The following STAG1 variants were observed in gnomAD, a reference collection of about 807,000 sequenced individuals.
STAG1 encodes STAG1 cohesin complex component, also known as cohesin subunit SA-1.
In STAG1, 26 loss-of-function variants were observed where a neutral mutation model predicts 170.9. The ratio of observed to expected loss-of-function variants is 0.15; its 90% confidence interval spans 0.11 to 0.21. STAG1 has a LOEUF of 0.21. STAG1 is among the 10% of genes least tolerant of loss of function. The pLI, the probability that STAG1 is intolerant of heterozygous loss-of-function variation, is 1.00. For missense variants in STAG1, 964 were observed against 1,509.5 expected (o/e 0.64, Z 5.99); for synonymous variants, 514 against 497.7 (o/e 1.03, Z -0.44).
At chr3:136,465,519 C>T (rs1274566459) in intron 12 of STAG1, among the ~76,000 whole-genome samples, 1 of 130,380 alleles carries the variant, frequency 7.7e-6, no homozygotes, top group East Asian at 2.6e-4. Context: ...CTGTGCCTGG[C>T]CGCCTTCTAG....
At chr3:136,370,686 G>T (rs1399364666) in intron 23 of STAG1, among the ~76,000 whole-genome samples, 4 of 152,186 alleles carry the variant, frequency 2.6e-5, no homozygotes, top group Non-Finnish European at 4.4e-5. Flanking sequence ...CAAAGGACAT[G>T]AACTCATCAT....
At chr3:136,425,090 G>A (rs999758127) in intron 16 of STAG1, among the ~76,000 whole-genome samples, 1 of 152,030 alleles carries the variant, frequency 6.6e-6, no homozygotes, top group Non-Finnish European at 1.5e-5. Flanking sequence ...TGCCCGCCCC[G>A]GCCTCCCAAA....
At chr3:136,441,618 T>C (rs2088634020) in intron 15 of STAG1, among the ~76,000 whole-genome samples, 1 of 152,186 alleles carries the variant, frequency 6.6e-6, no homozygotes, top group Admixed American at 6.6e-5. Flanking sequence ...TTAGTATCAC[T>C]GCTTGGAAGG....
intron 1 of STAG1, among the ~76,000 whole-genome samples, chr3:136,702,075 A>AAGAGAGAGAGAG (rs745623191): frequency 9.9e-4 from 91 of 92,184 alleles, no homozygotes; most frequent in East Asian, 1.6e-3. Flanking sequence ...ACCATGCCGA[A>AAGAGAGAGAGAG]AGAGAGAGAG....
chr3:136,516,807 T>C (rs1480374550), intron 7 of STAG1, among the ~76,000 whole-genome samples: 2 of 152,164 alleles, frequency 1.3e-5, no homozygotes, highest in Non-Finnish European at 2.9e-5. Flanking sequence ...CTTTCCCACT[T>C]TGCAAATAAA....
chr3:136,532,573 T>C (rs1467313149), intron 6 of STAG1, among the ~76,000 whole-genome samples: 3 of 152,138 alleles, frequency 2.0e-5, no homozygotes, highest in Non-Finnish European at 4.4e-5. Flanking sequence ...TACACCATGA[T>C]CAAGCAAAAT....
chr3:136,536,195 AG>A (rs1325680608), intron 6 of STAG1, among the ~76,000 whole-genome samples: 2 of 152,166 alleles, frequency 1.3e-5, no homozygotes, highest in Middle Eastern at 3.2e-3. Flanking sequence ...AATGTAATGG[AG>A]AGGTCTGACT....
chr3:136,446,134 C>T (rs1020934838), intron 14 of STAG1, among the ~76,000 whole-genome samples: 1 of 151,934 alleles, frequency 6.6e-6, no homozygotes. Context: ...CTATTTTTCA[C>T]TTCTCTTCAT....
At chr3:136,603,440 G>A (rs772475413) in intron 4 of STAG1, among the ~76,000 whole-genome samples, 4 of 151,978 alleles carry the variant, frequency 2.6e-5, no homozygotes, top group South Asian at 2.1e-4. Flanking sequence ...ATGTAGAGAC[G>A]AACATAAATA....
intron 16 of STAG1, 42 bp downstream of exon 16, chr3:136,433,514 C>T (rs773453670): frequency 4.9e-6 from 7 of 1,419,282 alleles, no homozygotes; most frequent in Non-Finnish European, 6.8e-6. Flanking sequence ...AGTTAATTGC[C>T]ATTAAAAACC....
At chr3:136,710,740 G>A (rs1943360383) in intron 1 of STAG1, among the ~76,000 whole-genome samples, 1 of 151,418 alleles carries the variant, frequency 6.6e-6, no homozygotes, top group Non-Finnish European at 1.5e-5. Flanking sequence ...CTACTTTCAT[G>A]AATAGATTAA....
rs73863614 is a variant in STAG1, at chr3:136,351,015, A to T, written c.3066-1652T>A. On this transcript the variant is annotated intron_variant, in intron 28 of 33. Coordinates refer to ENST00000383202, the MANE Select transcript of STAG1 (RefSeq NM_005862.3). ...CTGACTGTTGTCATCATCTTACAAC[A>T]TATATGTATATCAAGACATCATATA... is the stretch of plus-strand genomic sequence containing the variant. Among the ~76,000 whole-genome samples the T allele has an allele frequency of 4.9e-3, 746 of 152,318 alleles. 8 individuals are homozygous for T. Among genetic ancestry groups the T allele is most frequent in the African/African-American group, 0.017 (726 of 41,560 alleles).
chr3:136,704,405 T>G (rs925918109), intron 1 of STAG1, among the ~76,000 whole-genome samples: 6 of 152,180 alleles, frequency 3.9e-5, no homozygotes, highest in Non-Finnish European at 5.9e-5. Context: ...CACTTTAGCC[T>G]CAAAGACACA....
At chr3:136,407,179 A>C (rs1323836330) in intron 21 of STAG1, among the ~76,000 whole-genome samples, 1 of 152,134 alleles carries the variant, frequency 6.6e-6, no homozygotes, top group Non-Finnish European at 1.5e-5. Flanking sequence ...GGCATGTGCC[A>C]CCATGCCTGG....
At chr3:136,508,652 A>G (rs1933890123) in intron 7 of STAG1, among the ~76,000 whole-genome samples, 1 of 152,244 alleles carries the variant, frequency 6.6e-6, no homozygotes, top group African/African-American at 2.4e-5. Context: ...GTGCCACTGC[A>G]CTTCAGCCTG....
intron 22 of STAG1, among the ~76,000 whole-genome samples, chr3:136,396,216 T>TG (rs1321533842): frequency 7.0e-6 from 1 of 143,490 alleles, no homozygotes; most frequent in Admixed American, 7.0e-5. Context: ...ACAGTTTTTT[T>TG]TTTTTTTTTT....
chr3:136,369,022 T>A, intron 24 of STAG1, 86 bp downstream of exon 24: 3 of 1,260,580 alleles, frequency 2.4e-6, no homozygotes, highest in Non-Finnish European at 3.1e-6. Flanking sequence ...TCTCGATAAT[T>A]TTTAGAACTG....
intron 1 of STAG1, among the ~76,000 whole-genome samples, chr3:136,665,881 C>A (rs932293326): frequency 6.6e-6 from 1 of 151,296 alleles, no homozygotes; most frequent in African/African-American, 2.4e-5. Context: ...CGAGACCATC[C>A]TGGCTAACAC....
At chr3:136,430,988 C>G (rs2088286668) in intron 16 of STAG1, among the ~76,000 whole-genome samples, 1 of 151,984 alleles carries the variant, frequency 6.6e-6, no homozygotes, top group African/African-American at 2.4e-5. Flanking sequence ...ACTGAAACTT[C>G]TGCCTTCTGG....
Sources: allele counts gnomAD v4.1 joint callset (sites outside exome capture counted in the v4.1 genomes callset), GRCh38; gene constraint gnomAD v4.1.1; transcripts MANE v1.5; gene names NCBI Gene and HGNC (gene_info 2026-07-23, HGNC 2026-07-21).